Variants in ECPAS observed in about 807,000 individuals in gnomAD.
ECPAS encodes Ecm29 proteasome adaptor and scaffold.
ECPAS carries 70 observed loss-of-function variants against 255.1 expected under a neutral mutation model. The observed-to-expected ratio is 0.27, with a 90% CI of 0.23 to 0.33. The LOEUF is 0.33. ECPAS is among the 10% of genes least tolerant of loss of function. ECPAS has a pLI of 1.00. For missense variants in ECPAS, 1,817 were observed against 2,206.4 expected (o/e 0.82, Z 3.54); for synonymous variants, 784 against 775.0 (o/e 1.01, Z -0.19).
chr9:111,454,627 A>T (rs1415152143), intron 2 of ECPAS, among the ~76,000 whole-genome samples: 1 of 152,204 alleles, frequency 6.6e-6, no homozygotes, highest in Non-Finnish European at 1.5e-5. Context: ...TCTATACTTA[A>T]ATAAAAGATA....
rs757718359 is a variant in ECPAS, at chr9:111,383,170, T to C, written c.3803+41A>G. On this transcript the variant is annotated intron_variant, in intron 35 of 49. Transcript: ENST00000684092. ...TGAAAGAAACACAATTTCTAGGAAC[T>C]GAGCAAATCCAATACATTCATTTCA... 3.1e-6 allele frequency: 5 copies of C among 1,600,854 alleles called. No homozygotes were observed. The Admixed American group carries it at 5.0e-5, about 16-fold the overall frequency.
Position 111,410,099 on chromosome 9 carries a change from T to C in ECPAS, c.2492A>G (p.Lys831Arg), listed in dbSNP as rs776366599. The C allele has an allele frequency of 6.3e-7, 1 of 1,599,896 alleles. No homozygotes were observed. The highest frequency in any genetic ancestry group is 1.1e-5 in the South Asian group (1 of 88,312). Reference protein sequence around the residue: ...PIPSEGSGFTKLHLVESLLSR... With the variant: ...PIPSEGSGFTRLHLVESLLSR... The stretch of plus-strand genomic sequence containing the variant: ...TAGTAAGCTTTCTACAAGATGCAAT[T>C]TGGTAAAGCCAGATCCCTCACTGGG... The change falls in exon 23 of 50, where the codon AAA (lysine) becomes AGA (arginine). Residue 831 changes from lysine to arginine, a missense_variant. Physicochemically the swap from Lys to Arg is conservative, Grantham distance 26 (BLOSUM62 2). This residue lies in a region of ECPAS where 194 missense variants were observed against 152.8 expected (regional missense o/e 1.27). Coordinates refer to ENST00000684092, the MANE Select transcript of ECPAS (RefSeq NM_001364929.1).
intron 2 of ECPAS, among the ~76,000 whole-genome samples, chr9:111,465,294 C>A (rs989369675): frequency 6.6e-6 from 1 of 152,130 alleles, no homozygotes; most frequent in African/African-American, 2.4e-5. Context: ...AATCCCAGCA[C>A]TTTGGGAGGC....
Position 111,378,730 on chromosome 9 carries a change from G to A in ECPAS, c.3804C>T (p.Ser1268=), listed in dbSNP as rs542895074. 2.5e-6 allele frequency: 4 copies of A among 1,607,830 alleles called. No homozygotes were observed. Among genetic ancestry groups the A allele is most frequent in the African/African-American group, 1.3e-5 (1 of 74,950 alleles). ...TGCTGATCTTCACAAGGGTGTTAATGCTACAAACATATGGAACACAACTCC... is the reference window on the plus strand; with the variant it reads ...TGCTGATCTTCACAAGGGTGTTAATACTACAAACATATGGAACACAACTCC... The part of the protein sequence containing the change: ...MSTVTEVRAL[S]INTLVKISKS... The change falls in exon 36 of 50, where the codon AGC becomes AGT. Residue 1268 remains serine, a splice_region_variant and synonymous_variant. Coordinates refer to ENST00000684092, the MANE Select transcript of ECPAS (RefSeq NM_001364929.1).
intron 39 of ECPAS, 137 bp from the exon 40 acceptor site, chr9:111,373,543 T>C (rs764016458): frequency 4.0e-5 from 27 of 675,932 alleles, no homozygotes; most frequent in Admixed American, 2.6e-4. Context: ...GGATGTTATA[T>C]TTATATATCC....
At chr9:111,380,424 T>G (rs72607200) in intron 35 of ECPAS, among the ~76,000 whole-genome samples, 4,917 of 152,360 alleles carry the variant, frequency 0.032, 169 homozygotes, top group East Asian at 0.13. Context: ...AACCATGCTG[T>G]TAACAGATAA....
At chr9:111,480,477 T>C (rs1589248381) in intron 1 of ECPAS, among the ~76,000 whole-genome samples, 1 of 151,974 alleles carries the variant, frequency 6.6e-6, no homozygotes, top group African/African-American at 2.4e-5. Context: ...TTTGTATTTT[T>C]AGTAGAGACA....
At chr9:111,472,188 C>T (rs2098289271) in intron 2 of ECPAS, among the ~76,000 whole-genome samples, 1 of 148,902 alleles carries the variant, frequency 6.7e-6, no homozygotes, top group African/African-American at 2.5e-5. Context: ...ATCAAGGTGG[C>T]AGTTAGCCAT....
At chr9:111,397,231 A>C (rs565561642) in intron 24 of ECPAS, 78 bp from the exon 25 acceptor site, 2 of 1,566,392 alleles carry the variant, frequency 1.3e-6, no homozygotes, top group African/African-American at 1.3e-5. Context: ...AAGCCTGCTT[A>C]AAAGTGTGGT....
intron 38 of ECPAS, 26 bp from the exon 39 acceptor site, chr9:111,374,064 T>G: frequency 6.4e-7 from 1 of 1,566,610 alleles, no homozygotes; most frequent in Non-Finnish European, 8.8e-7. Context: ...AGCAAAGGTC[T>G]AAATCTGATG....
At chr9:111,374,137 C>T (rs2098130684) in intron 38 of ECPAS, 99 bp from the exon 39 acceptor site, 6 of 875,576 alleles carry the variant, frequency 6.9e-6, no homozygotes, top group South Asian at 1.4e-5. Context: ...ATATAAAATA[C>T]ATGAAGCCTA....
chr9:111,423,814 A>G (rs2098217713), intron 12 of ECPAS, among the ~76,000 whole-genome samples: 1 of 152,232 alleles, frequency 6.6e-6, no homozygotes, highest in Non-Finnish European at 1.5e-5. Context: ...CAAGATACAG[A>G]TAGAGTTTTA....
chr9:111,406,535 T>C lies in ECPAS; in HGVS notation c.2652+2036A>G, dbSNP rs367711049. On this transcript the variant is annotated intron_variant, in intron 24 of 49. Transcript: ENST00000684092. ...ACATGCTCCAAACACAAAGAAATGA[T>C]AAATGCTTAAAATGATGGATATCCC... Among the ~76,000 whole-genome samples the C allele has an allele frequency of 6.5e-4, 98 of 150,142 alleles. 5 individuals are homozygous for C. The highest frequency in any genetic ancestry group is 1.7e-3 in the Admixed American group (26 of 15,238).
At chr9:111,401,236 T>G (rs562691143) in intron 24 of ECPAS, among the ~76,000 whole-genome samples, 1 of 152,334 alleles carries the variant, frequency 6.6e-6, no homozygotes, top group South Asian at 2.1e-4. Flanking sequence ...TTTTCTATTT[T>G]CCCTAAGTGT....
intron 1 of ECPAS, among the ~76,000 whole-genome samples, chr9:111,480,823 G>T (rs148506250): frequency 7.9e-5 from 12 of 152,268 alleles, no homozygotes; most frequent in African/African-American, 2.9e-4. Flanking sequence ...CAAGAAGAAG[G>T]CAAGGATTGG....
rs61748002 is a variant in ECPAS at position 111,412,079 on chromosome 9, T to C, written c.2149A>G (p.Thr717Ala). 12,619 of 1,599,578 alleles carry C rather than the reference T, an allele frequency of 7.9e-3. 80 individuals carry two copies. Among genetic ancestry groups the C allele is most frequent in the South Asian group, 0.015 (1,325 of 87,374 alleles). ...AALFYSVVVS[T>A]VSGNELKSMI... ...GATTTCAACTCATTCCCCGACACTG[T>C]TGATACCACTACAGAATAAAACAAC... Residue 717 changes from threonine to alanine, a missense_variant, in exon 21 of 50, where the codon ACA becomes GCA. Thr to Ala is a moderately conservative substitution (Grantham distance 58, BLOSUM62 0). Around this residue, in one of 4 missense-constraint regions of ECPAS, gnomAD observed 194 missense variants for 152.8 expected, o/e 1.27. Transcript: ENST00000684092.
intron 1 of ECPAS, among the ~76,000 whole-genome samples, chr9:111,475,020 C>T (rs2098294479): frequency 6.6e-6 from 1 of 152,298 alleles, no homozygotes; most frequent in South Asian, 2.1e-4. Context: ...CAAGTCTCAG[C>T]TCAAGCTATT....
In ECPAS at chr9:111,361,619, T is replaced by C. The variant is rs1459474433; in HGVS notation, c.*411A>G. The C allele has an allele frequency of 3.9e-5, 6 of 152,980 alleles. No individual in the cohort carries two copies. The highest frequency in any genetic ancestry group is 1.3e-4 in the Admixed American group (2 of 15,282). The allele number at this position is 152,980 out of a possible 1,614,324, so 9.5% of individuals were successfully genotyped here. On this transcript the variant is annotated 3_prime_UTR_variant, in exon 50 of 50. Coordinates refer to ENST00000684092, the MANE Select transcript of ECPAS (RefSeq NM_001364929.1). The stretch of plus-strand genomic sequence containing the variant: ...CCTCTGAGATGACACAGCTTCCTAT[T>C]TCTTCAGGTGTAAGAGGGAGGTTAA...
Position 111,421,995 on chromosome 9 carries a change from C to A in ECPAS, c.1381G>T (p.Val461Phe). 6.2e-7 allele frequency: 1 copy of A among 1,613,790 alleles called. No individual in the cohort carries two copies. The change falls in exon 15 of 50, where the codon GTT (valine) becomes TTT (phenylalanine). Residue 461 changes from valine (V) to phenylalanine (F), a missense_variant. This residue lies in a region of ECPAS where 573 missense variants were observed against 716.2 expected (regional missense o/e 0.80). Coordinates refer to ENST00000684092, the MANE Select transcript of ECPAS (RefSeq NM_001364929.1). ...CCTTCCAAAGTACTATACGCTCCAA[C>A]CATCATAGATAAAGCTTCTTGAATA... is the stretch of plus-strand genomic sequence containing the variant. ...LAIQEALSMM[V>F]GAYSTLEGAQ...
Sources: allele counts gnomAD v4.1 joint callset (sites outside exome capture counted in the v4.1 genomes callset), GRCh38; gene constraint gnomAD v4.1.1; regional missense constraint gnomAD v4.1.1; transcripts MANE v1.5; gene names NCBI Gene and HGNC (gene_info 2026-07-23, HGNC 2026-07-21).